The following PATJ variants were observed in gnomAD, a reference collection of about 807,000 sequenced individuals.
PATJ encodes inaD-like protein.
PATJ carries 190 observed loss-of-function variants against 224.9 expected under a neutral mutation model. That is an observed-to-expected ratio of 0.84 (90% CI 0.75 to 0.95). The LOEUF (loss-of-function observed/expected upper bound fraction) is 0.95. Ranked by LOEUF, PATJ falls within the 40% of genes least tolerant of loss-of-function variation. The pLI, the probability that PATJ is intolerant of heterozygous loss-of-function variation, is 0.00. For synonymous variants in PATJ, 769 were observed against 820.3 expected (o/e 0.94, Z 1.07); for missense variants, 2,121 against 2,270.3 (o/e 0.93, Z 1.34).
chr1:61,899,731 T>A, intron 23 of PATJ, 77 bp downstream of exon 23: 1 of 928,602 alleles, frequency 1.1e-6, no homozygotes, highest in Non-Finnish European at 1.7e-6. Flanking sequence ...AACAGAACAT[T>A]ATTTAGTCCT....
At chr1:61,812,269 A>G (rs539905608) in intron 14 of PATJ, among the ~76,000 whole-genome samples, 2 of 152,128 alleles carry the variant, frequency 1.3e-5, no homozygotes, top group Admixed American at 6.6e-5. Context: ...TGACAACTAT[A>G]AAAGGCTTCA....
At chr1:62,160,399 C>T (rs1669732298) in intron 43 of PATJ, among the ~76,000 whole-genome samples, 1 of 152,108 alleles carries the variant, frequency 6.6e-6, no homozygotes, top group Admixed American at 6.6e-5. Context: ...TAGATAACAG[C>T]TTTATTGAGA....
At chr1:61,868,391 G>A (rs909508245) in intron 20 of PATJ, among the ~76,000 whole-genome samples, 2 of 152,150 alleles carry the variant, frequency 1.3e-5, no homozygotes, top group African/African-American at 4.8e-5. Flanking sequence ...ACTGAAAAAA[G>A]TGGAATGGTA....
intron 31 of PATJ, among the ~76,000 whole-genome samples, chr1:62,065,522 C>T (rs1304001554): frequency 6.6e-6 from 1 of 152,066 alleles, no homozygotes; most frequent in Non-Finnish European, 1.5e-5. Context: ...TGAGGCAAAT[C>T]GCTTGATCTC....
chr1:62,101,567 G>T (rs528554116), intron 33 of PATJ, among the ~76,000 whole-genome samples: 95 of 152,210 alleles, frequency 6.2e-4, no homozygotes, highest in African/African-American at 2.2e-3. Flanking sequence ...CCAGCCTAAA[G>T]ATAGTAGTTT....
chr1:61,826,967 A>G (rs1489263393), intron 15 of PATJ, among the ~76,000 whole-genome samples: 1 of 152,182 alleles, frequency 6.6e-6, no homozygotes, highest in African/African-American at 2.4e-5. Context: ...ACATTTTTTT[A>G]ACATCCTTAA....
Position 62,119,869 on chromosome 1 carries a change from G to A in PATJ, c.4891-1312G>A, listed in dbSNP as rs1664855750. Among the ~76,000 whole-genome samples, 4 of 152,260 alleles carry A rather than the reference G, an allele frequency of 2.6e-5. No homozygotes were observed. In the South Asian group the frequency reaches 6.2e-4, roughly 24 times the overall value. On this transcript the variant is annotated intron_variant, in intron 37 of 43. Coordinates refer to ENST00000642238, the MANE Select transcript of PATJ (RefSeq NM_001350145.3). Reference sequence around the variant, plus strand: ...TGAGGCAACAGAATCACTTGAACCTGGGAGGCGGAGGTTGCAGTGAGCTGA... The same window carrying A: ...TGAGGCAACAGAATCACTTGAACCTAGGAGGCGGAGGTTGCAGTGAGCTGA...
intron 15 of PATJ, among the ~76,000 whole-genome samples, chr1:61,826,502 T>A (rs1658293371): frequency 6.6e-6 from 1 of 152,194 alleles, no homozygotes; most frequent in African/African-American, 2.4e-5. Flanking sequence ...TGCCTCAGCT[T>A]TTTGGGAGTA....
chr1:61,948,187 A>G (rs186944310), intron 27 of PATJ, among the ~76,000 whole-genome samples: 1,735 of 152,254 alleles, frequency 0.011, 20 homozygotes, highest in Admixed American at 0.018. Flanking sequence ...CAAAAGCAAT[A>G]GCAACAAAAG....
In PATJ at chr1:62,017,957, C is replaced by T. The variant is rs773842242; in HGVS notation, c.3959+10C>T. The stretch of plus-strand genomic sequence containing the variant: ...AGCTGGTTTTCATCAGGTAAGATTG[C>T]TAGATCTGGTTTTGCAAAATCAAAG... On this transcript the variant is annotated intron_variant, in intron 29 of 43. Coordinates refer to ENST00000642238, the MANE Select transcript of PATJ (RefSeq NM_001350145.3). 7.8e-6 allele frequency: 12 copies of T among 1,543,628 alleles called. 1 individual carries two copies. In the Admixed American group the frequency reaches 8.4e-5, roughly 11 times the overall value.
At chr1:62,012,132 T>TA (rs1646488726) in intron 28 of PATJ, among the ~76,000 whole-genome samples, 1 of 151,988 alleles carries the variant, frequency 6.6e-6, no homozygotes, top group Non-Finnish European at 1.5e-5. Flanking sequence ...CTGACTTTTT[T>TA]ATCTCAAAAT....
At chr1:61,891,861 C>T (rs1669650953) in intron 22 of PATJ, among the ~76,000 whole-genome samples, 1 of 152,158 alleles carries the variant, frequency 6.6e-6, no homozygotes, top group Non-Finnish European at 1.5e-5. Flanking sequence ...AGGAACATTT[C>T]CATCACCCAG....
chr1:62,094,181 G>C (rs1254281451), intron 33 of PATJ, among the ~76,000 whole-genome samples: 2 of 151,982 alleles, frequency 1.3e-5, no homozygotes, highest in Non-Finnish European at 2.9e-5. Flanking sequence ...GATCAGTTGA[G>C]GCCCAGAGTT....
At chr1:61,856,303 T>A in intron 18 of PATJ, 64 bp downstream of exon 18, 1 of 1,334,974 alleles carries the variant, frequency 7.5e-7, no homozygotes. Context: ...ACATGGATTT[T>A]GGAGACACAT....
intron 39 of PATJ, among the ~76,000 whole-genome samples, chr1:62,124,193 G>C (rs1034249609): frequency 1.3e-4 from 20 of 151,608 alleles, no homozygotes; most frequent in African/African-American, 4.6e-4. Context: ...AGTAATTCTC[G>C]TGCCTCAGCC....
chr1:62,038,049 G>A lies in PATJ; in HGVS notation c.4032G>A (p.Glu1344=). 6.3e-7 allele frequency: 1 copy of A among 1,582,422 alleles called. No homozygotes were observed. Among genetic ancestry groups the A allele is most frequent in the East Asian group, 2.3e-5 (1 of 44,194 alleles). The part of the protein sequence containing the change: ...PVPSSSPSSI[E]DQSGTEPISS... ...CATCAAGTTCTCCATCTTCTATTGA[G>A]GTAAGGTTGTTTCTAATTAGCTCTT... is the stretch of plus-strand genomic sequence containing the variant. The change falls in exon 30 of 44, where the codon GAG becomes GAA. Residue 1344 remains glutamate, a splice_region_variant and synonymous_variant. Transcript: ENST00000642238.
chr1:62,115,845 G>A (rs1664396048), intron 35 of PATJ, among the ~76,000 whole-genome samples: 2 of 151,560 alleles, frequency 1.3e-5, no homozygotes, highest in South Asian at 4.2e-4. Context: ...ACTGATTTTG[G>A]GCCAAGTATT....
intron 27 of PATJ, among the ~76,000 whole-genome samples, chr1:61,986,246 AGTTT>A (rs1286791707): frequency 5.9e-5 from 9 of 152,030 alleles, no homozygotes; most frequent in African/African-American, 2.2e-4. Flanking sequence ...AGTTCATTAC[AGTTT>A]TACATTTATT....
At chr1:61,808,418 A>C in intron 13 of PATJ, 56 bp from the exon 14 acceptor site, 2 of 996,480 alleles carry the variant, frequency 2.0e-6, no homozygotes, top group Non-Finnish European at 3.2e-6. Context: ...CAGAAAATGT[A>C]GGAGGAAATA....
Sources: gnomAD v4.1 joint callset for allele counts (sites outside exome capture counted in the v4.1 genomes callset) on GRCh38, gnomAD v4.1.1 for gene constraint, MANE v1.5 for transcripts, NCBI Gene and HGNC (gene_info 2026-07-23, HGNC 2026-07-21) for gene names.